Variants in CELF2 observed in about 807,000 individuals in gnomAD.
CELF2 encodes the protein CUG triplet repeat RNA-binding protein 2.
In CELF2, 8 loss-of-function variants were observed where a neutral mutation model predicts 62.6. The observed-to-expected ratio is 0.13, with a 90% CI of 0.07 to 0.23. The LOEUF is 0.23. Among genes scored for constraint, CELF2 ranks in the 10% least tolerant of loss-of-function variants. The probability of loss-of-function intolerance (pLI) is 1.00; values close to 1 mark genes in which losing one functional copy is unlikely to be tolerated. For missense variants in CELF2, 333 were observed against 671.0 expected, an observed-to-expected ratio of 0.50 and a Z score of 5.56; for synonymous variants, 258 against 250.0, an observed-to-expected ratio of 1.03 and a Z score of -0.30.
In CELF2 at chr10:10,981,708, CAAGT is replaced by C. The variant is rs2052129669; in HGVS notation, c.89+61716_89+61719del. On this transcript the variant is annotated intron_variant, in intron 2 of 13. Coordinates refer to the CELF2 transcript ENST00000636488. The stretch of plus-strand genomic sequence containing the variant: ...CTGTTGAGAACCTATAGAAATAATA[CAAGT>C]AAGTAACATTTATTGTGCACTTTCT... 2.0e-5 allele frequency among the ~76,000 whole-genome samples: 3 copies of C among 152,288 alleles called. No individual in the cohort carries two copies. The South Asian group carries it at 6.2e-4, about 32-fold the overall frequency.
chr10:10,660,254 A>G, the CELF2 span, among the ~76,000 whole-genome samples: 1 of 152,258 alleles, frequency 6.6e-6, no homozygotes, highest in East Asian at 1.9e-4. Context: ...ATAGCTATGT[A>G]TGATGTCATA....
chr10:10,992,831 T>C (rs1187724755), intron 2 of CELF2, among the ~76,000 whole-genome samples: 1 of 152,210 alleles, frequency 6.6e-6, no homozygotes, highest in Non-Finnish European at 1.5e-5. Context: ...AAACAGTCTC[T>C]GTAAGGTTTT....
At chr10:11,125,019 G>A (rs948767615) in intron 1 of CELF2, among the ~76,000 whole-genome samples, 1 of 152,186 alleles carries the variant, frequency 6.6e-6, no homozygotes, top group Non-Finnish European at 1.5e-5. Flanking sequence ...GTGTGATATT[G>A]TTTTACTCAT....
At chr10:11,273,688 G>A (rs1315358964) in intron 7 of CELF2, among the ~76,000 whole-genome samples, 2 of 151,948 alleles carry the variant, frequency 1.3e-5, no homozygotes, top group Non-Finnish European at 2.9e-5. Flanking sequence ...ATTGTTTCAC[G>A]AGCCCCAAAT....
chr10:11,026,641 C>T (rs2059255603), intron 1 of CELF2, among the ~76,000 whole-genome samples: 1 of 152,242 alleles, frequency 6.6e-6, no homozygotes, highest in Admixed American at 6.5e-5. Context: ...ACAGCTTTCT[C>T]TGAAGTTGTC....
chr10:11,197,025 A>AAAGAAAGAAAGAAAG (rs1554936315), intron 2 of CELF2, among the ~76,000 whole-genome samples: 456 of 26,120 alleles, frequency 0.017, 100 homozygotes, highest in Middle Eastern at 0.068. Flanking sequence ...AGAAAGAAAG[A>AAAGAAAGAAAGAAAG]AAAGAAAGAA....
intron 1 of CELF2, 82 bp downstream of exon 1, chr10:11,018,245 C>A: frequency 2.4e-6 from 3 of 1,242,716 alleles, no homozygotes; most frequent in Non-Finnish European, 2.2e-6. Context: ...GGGCGTCGCC[C>A]GCAGCTCCCG....
At chr10:10,528,238 G>T in the CELF2 span, among the ~76,000 whole-genome samples, 5 of 152,120 alleles carry the variant, frequency 3.3e-5, no homozygotes, top group African/African-American at 4.8e-5. Flanking sequence ...AGCTTTCTGG[G>T]AGTAGATGAT....
In CELF2 at chr10:11,046,401, A is replaced by G. The variant is rs1476077174; in HGVS notation, c.74+28238A>G. On this transcript the variant is annotated intron_variant, in intron 1 of 12. Transcript: ENST00000633077. The surrounding 1 kb of genome is among the most constrained non-coding windows in gnomAD (Gnocchi z 4.6). The stretch of plus-strand genomic sequence containing the variant: ...CTTGGCCCAGAGTTGGGCACAGAGT[A>G]TGCCCTCAATAAGTACTTGTTGGTT... 6.6e-6 allele frequency among the ~76,000 whole-genome samples: 1 copy of G among 152,244 alleles called. No individual in the cohort carries two copies.
intron 5 of CELF2, among the ~76,000 whole-genome samples, chr10:11,259,447 G>C (rs533218755): frequency 9.6e-5 from 13 of 135,586 alleles, no homozygotes; most frequent in Non-Finnish European, 2.1e-4. Context: ...AAAAAAAAAA[G>C]GCGGCATGGA....
rs2133353659 is a variant in CELF2, at chr10:11,165,568, C to T, written c.157C>T (p.Gln53Ter). ...DPDAIKMFVG[Q>*]IPRSWSEKEL... ...AGATGCCATTAAGATGTTTGTCGGACAGATCCCCCGGTCATGGTCGGAAAA... is the reference window on the plus strand; with the variant it reads ...AGATGCCATTAAGATGTTTGTCGGATAGATCCCCCGGTCATGGTCGGAAAA... The change falls in exon 2 of 13, where the codon CAG becomes TAG. Residue 53 changes from glutamine to a stop codon, truncating the protein, a stop_gained. Coordinates refer to ENST00000633077, the MANE Select transcript of CELF2 (RefSeq NM_001326342.2). LOFTEE classifies it high-confidence loss of function. This position sits in a 1 kb window ranked among gnomAD's most constrained non-coding sequence, Gnocchi z 7.4. 6.2e-7 allele frequency: 1 copy of T among 1,614,236 alleles called. No individual in the cohort carries two copies.
rs1179709798 is a variant in CELF2 at position 10,972,641 on chromosome 10, T to C, written c.89+52642T>C. Among the ~76,000 whole-genome samples, 2 of 152,214 alleles carry C rather than the reference T, an allele frequency of 1.3e-5. No individual in the cohort carries two copies. Among genetic ancestry groups the C allele is most frequent in the Non-Finnish European group, 2.9e-5 (2 of 68,036 alleles). On this transcript the variant is annotated intron_variant, in intron 2 of 13. Transcript: ENST00000636488. This position sits in a 1 kb window ranked among gnomAD's most constrained non-coding sequence, Gnocchi z 4.4. Reference sequence around the variant, plus strand: ...TCAGTCCCGGTCTCCATGACTGACCTTGCTGTGTCCTTCAGGTGCACATAT... The same window carrying C: ...TCAGTCCCGGTCTCCATGACTGACCCTGCTGTGTCCTTCAGGTGCACATAT...
rs958704595 is a variant in CELF2 at position 11,223,362 on chromosome 10, C to G, written c.354+5855C>G. ...CACCCCAGCATACAAACGTGTGGAA[C>G]ATACACGTATTCCACACATGTATTC... On this transcript the variant is annotated intron_variant, in intron 3 of 12. Coordinates refer to ENST00000633077, the MANE Select transcript of CELF2 (RefSeq NM_001326342.2). The surrounding 1 kb of genome is among the most constrained non-coding windows in gnomAD (Gnocchi z 5.1). Among the ~76,000 whole-genome samples the G allele has an allele frequency of 9.2e-5, 14 of 152,234 alleles. No homozygotes were observed. The East Asian group carries it at 9.6e-4, about 10-fold the overall frequency.
At position 10,983,780 on chromosome 10, in the gene CELF2, C is replaced by T. The variant is rs1011674306; in HGVS notation, c.89+63781C>T. On this transcript the variant is annotated intron_variant, in intron 2 of 13. Transcript: ENST00000636488. The surrounding 1 kb of genome is among the most constrained non-coding windows in gnomAD (Gnocchi z 5.2). ...ACAGGATTTCACCATGTTGGCCAGG[C>T]TGGTCTTGAACTCCTCACAGGTGAT... Among the ~76,000 whole-genome samples, 8 of 152,204 alleles carry T rather than the reference C, an allele frequency of 5.3e-5. No homozygotes were observed. In the South Asian group the frequency reaches 1.7e-3, roughly 32 times the overall value.
the CELF2 span, among the ~76,000 whole-genome samples, chr10:10,609,837 A>G: frequency 1.3e-5 from 2 of 152,248 alleles, no homozygotes; most frequent in African/African-American, 2.4e-5. Flanking sequence ...GGGCTGTGCC[A>G]TCGTCTGCAT....
In CELF2 at chr10:11,240,938, C is replaced by G. The variant is rs556055728; in HGVS notation, c.355-8215C>G. Among the ~76,000 whole-genome samples the G allele has an allele frequency of 1.8e-4, 28 of 152,310 alleles. No individual in the cohort carries two copies. In the South Asian group the frequency reaches 5.8e-3, roughly 32 times the overall value. ...AGGCTTGTGCTCCCACCGGACAGAC[C>G]TGGATTCGAATCCCTGCTCTGCCAC... On this transcript the variant is annotated intron_variant, in intron 3 of 12. Transcript: ENST00000633077.
At chr10:10,975,937 C>G (rs1363590926) in intron 2 of CELF2, among the ~76,000 whole-genome samples, 1 of 152,170 alleles carries the variant, frequency 6.6e-6, no homozygotes, top group Non-Finnish European at 1.5e-5. Context: ...CAATTACATG[C>G]AAATTAAGGG....
intron 1 of CELF2, among the ~76,000 whole-genome samples, chr10:11,024,595 C>T (rs916627233): frequency 1.3e-5 from 2 of 151,824 alleles, no homozygotes; most frequent in South Asian, 2.1e-4. Context: ...AGCAAGACTC[C>T]GTCTTCTTCT....
At chr10:10,544,112 C>T in the CELF2 span, among the ~76,000 whole-genome samples, 4 of 152,178 alleles carry the variant, frequency 2.6e-5, no homozygotes, top group Admixed American at 2.6e-4. Context: ...CACCTATGAA[C>T]GTTCTGTTGC....
Sources: gnomAD v4.1 joint callset for allele counts (sites outside exome capture counted in the v4.1 genomes callset) on GRCh38, gnomAD v4.1.1 for gene constraint, Gnocchi (gnomAD v3.1) non-coding constraint, MANE v1.5 for transcripts, NCBI Gene and HGNC (gene_info 2026-07-23, HGNC 2026-07-21) for gene names.